ZNF521: variants seen among roughly 807,000 people sequenced by gnomAD.
ZNF521 encodes the protein zinc finger protein 521.
In ZNF521, 14 loss-of-function variants were observed where a neutral mutation model predicts 105.5. That is an observed-to-expected ratio of 0.13 (90% CI 0.09 to 0.21). ZNF521 has a LOEUF of 0.21. Among genes scored for constraint, ZNF521 ranks in the 10% least tolerant of loss-of-function variants. The pLI is 1.00. For synonymous variants in ZNF521, 635 were observed against 606.0 expected, an observed-to-expected ratio of 1.05 and a Z score of -0.70; for missense variants, 1,233 against 1,629.7, an observed-to-expected ratio of 0.76 and a Z score of 4.19.
chr18:25,135,497 AT>A (rs1198456412), intron 5 of ZNF521, among the ~76,000 whole-genome samples: 1 of 152,182 alleles, frequency 6.6e-6, no homozygotes, highest in African/African-American at 2.4e-5. Flanking sequence ...AGGAGCAAGC[AT>A]GATTTATCAA....
chr18:25,307,471 G>A (rs1912046397), intron 3 of ZNF521, among the ~76,000 whole-genome samples: 1 of 152,164 alleles, frequency 6.6e-6, no homozygotes, highest in African/African-American at 2.4e-5. Flanking sequence ...TGATATCTGT[G>A]AAGTTCCTCA....
At chr18:25,116,692 A>C (rs986115073) in intron 5 of ZNF521, among the ~76,000 whole-genome samples, 3 of 151,946 alleles carry the variant, frequency 2.0e-5, no homozygotes, top group African/African-American at 7.2e-5. Flanking sequence ...TGGATGAAGA[A>C]GGGAATAACA....
chr18:25,080,272 C>T (rs1012115190), intron 7 of ZNF521, among the ~76,000 whole-genome samples: 3 of 152,170 alleles, frequency 2.0e-5, no homozygotes, highest in Non-Finnish European at 4.4e-5. Context: ...TTAAAGGACT[C>T]GTTTACCCTG....
chr18:25,078,413 C>A (rs147216500), intron 7 of ZNF521, among the ~76,000 whole-genome samples: 74 of 152,342 alleles, frequency 4.9e-4, no homozygotes, highest in African/African-American at 1.6e-3. Flanking sequence ...ACAGTGAACA[C>A]GGCCATTCTT....
At chr18:25,321,226 T>C (rs765920685) in intron 3 of ZNF521, among the ~76,000 whole-genome samples, 2 of 152,052 alleles carry the variant, frequency 1.3e-5, no homozygotes, top group African/African-American at 4.8e-5. Flanking sequence ...TCTTACAGAG[T>C]TCTATCTAAA....
intron 3 of ZNF521, among the ~76,000 whole-genome samples, chr18:25,246,221 T>A (rs1001366347): frequency 2.6e-5 from 4 of 151,878 alleles, no homozygotes; most frequent in Non-Finnish European, 5.9e-5. Context: ...GCTTAAAGTA[T>A]AATAAATAAA....
chr18:25,166,947 A>G (rs1276741436), intron 5 of ZNF521, among the ~76,000 whole-genome samples: 1 of 152,220 alleles, frequency 6.6e-6, no homozygotes, highest in Non-Finnish European at 1.5e-5. Flanking sequence ...GTTGGAAAAT[A>G]ATGATTACTT....
intron 5 of ZNF521, among the ~76,000 whole-genome samples, chr18:25,106,837 T>C (rs535492907): frequency 6.6e-6 from 1 of 152,310 alleles, no homozygotes; most frequent in East Asian, 1.9e-4. Context: ...ATCTGTCATC[T>C]TTTCTACTGT....
chr18:25,247,614 T>C (rs1276747667), intron 3 of ZNF521, among the ~76,000 whole-genome samples: 8 of 152,218 alleles, frequency 5.3e-5, no homozygotes, highest in African/African-American at 1.9e-4. Flanking sequence ...CAAGTGCCAC[T>C]GGACTAGAAC....
chr18:25,174,156 TC>T (rs2035495448), intron 5 of ZNF521, among the ~76,000 whole-genome samples: 1 of 152,172 alleles, frequency 6.6e-6, no homozygotes, highest in Non-Finnish European at 1.5e-5. Context: ...TGTATACCTT[TC>T]TAGAATTCTG....
In ZNF521 at chr18:25,062,334, G is replaced by T. The variant is rs2032917751; in HGVS notation, c.*378C>A. 4.0e-6 allele frequency: 1 copy of T among 248,300 alleles called. No individual in the cohort carries two copies. 15.4% of individuals were successfully genotyped at this position (248,300 alleles called of 1,614,324 possible). A position where few individuals can be genotyped will look rare whatever the true frequency, so the allele number is the denominator to read the frequency against. ...ATTCTAGGCTTAAGTGTAAAGAAAA[G>T]GAAGTCCAACCATAGTCTCATGTAT... On this transcript the variant is annotated 3_prime_UTR_variant, in exon 8 of 8. Transcript: ENST00000361524.
chr18:25,268,713 A>G (rs1909436402), intron 3 of ZNF521, among the ~76,000 whole-genome samples: 1 of 152,240 alleles, frequency 6.6e-6, no homozygotes. Flanking sequence ...AAAATCCTTT[A>G]CAAACAAGCA....
At chr18:25,065,585 TA>T (rs2033036038) in intron 7 of ZNF521, among the ~76,000 whole-genome samples, 1 of 152,110 alleles carries the variant, frequency 6.6e-6, no homozygotes, top group South Asian at 2.1e-4. Context: ...TGTATTTACC[TA>T]AATGATAGGA....
chr18:25,322,933 C>T (rs146619973), intron 2 of ZNF521, among the ~76,000 whole-genome samples: 2 of 152,238 alleles, frequency 1.3e-5, no homozygotes, highest in African/African-American at 2.4e-5. Context: ...AAAAATAGTT[C>T]CATTTTCACC....
intron 3 of ZNF521, among the ~76,000 whole-genome samples, chr18:25,292,766 C>T (rs541372823): frequency 6.4e-4 from 97 of 152,292 alleles, no homozygotes; most frequent in African/African-American, 2.3e-3. Context: ...TTAATTCAAA[C>T]ATGAAAGTGG....
chr18:25,209,906 C>T (rs1463819176), intron 4 of ZNF521, among the ~76,000 whole-genome samples: 2 of 151,932 alleles, frequency 1.3e-5, no homozygotes, highest in Non-Finnish European at 2.9e-5. Flanking sequence ...ATTTTCATTG[C>T]CTTTAAGTTT....
intron 3 of ZNF521, among the ~76,000 whole-genome samples, chr18:25,271,587 A>G (rs1218372035): frequency 1.3e-5 from 2 of 152,224 alleles, no homozygotes; most frequent in African/African-American, 4.8e-5. Flanking sequence ...CCAATGGAAC[A>G]GAACAGAGGC....
intron 3 of ZNF521, among the ~76,000 whole-genome samples, chr18:25,233,592 C>T (rs914014096): frequency 6.7e-6 from 1 of 149,450 alleles, no homozygotes; most frequent in Non-Finnish European, 1.5e-5. Context: ...CTGTGAAGAG[C>T]GGGAGTTGGT....
intron 2 of ZNF521, among the ~76,000 whole-genome samples, chr18:25,347,326 G>A (rs1457748953): frequency 6.6e-6 from 1 of 152,138 alleles, no homozygotes; most frequent in Non-Finnish European, 1.5e-5. Flanking sequence ...TAAATAGAAG[G>A]GGTTATCCAG....
Sources: gnomAD v4.1 joint callset for allele counts (sites outside exome capture counted in the v4.1 genomes callset) on GRCh38, gnomAD v4.1.1 for gene constraint, MANE v1.5 for transcripts, NCBI Gene and HGNC (gene_info 2026-07-23, HGNC 2026-07-21) for gene names.